Variants in RPS6KA2 observed in about 807,000 individuals in gnomAD.
RPS6KA2 encodes the protein ribosomal protein S6 kinase alpha-2.
In RPS6KA2, 42 loss-of-function variants were observed where a neutral mutation model predicts 91.8. That is an observed-to-expected ratio of 0.46 (90% CI 0.36 to 0.59). The LOEUF is 0.59. Ranked by LOEUF, RPS6KA2 falls within the 20% of genes least tolerant of loss-of-function variation. The pLI is 0.00. For missense variants in RPS6KA2, 798 were observed against 978.5 expected, an observed-to-expected ratio of 0.82 and a Z score of 2.46; for synonymous variants, 414 against 393.6, an observed-to-expected ratio of 1.05 and a Z score of -0.61.
intron 1 of RPS6KA2, among the ~76,000 whole-genome samples, chr6:166,540,564 T>C (rs1242695818): frequency 6.6e-6 from 1 of 152,260 alleles, no homozygotes; most frequent in African/African-American, 2.4e-5. Flanking sequence ...TTTTGTTGCT[T>C]CATAATTACT....
chr6:166,650,228 G>A (rs1422549984), intron 2 of RPS6KA2, among the ~76,000 whole-genome samples: 1 of 151,646 alleles, frequency 6.6e-6, no homozygotes, highest in Non-Finnish European at 1.5e-5. Context: ...GAGGGAATGA[G>A]ATAAGGCCTC....
chr6:166,700,697 AATTTTAACAATTGGATTTAGGAACAATCT>A (rs1789484999), intron 2 of RPS6KA2, among the ~76,000 whole-genome samples: 2 of 152,110 alleles, frequency 1.3e-5, no homozygotes, highest in African/African-American at 4.8e-5. Flanking sequence ...ATTCTGCTCC[AATTTTAACAATTGGATTTAGGAACAATCT>A]ATTTGATGAA....
chr6:166,510,592 T>G (rs1271472109), intron 3 of RPS6KA2, among the ~76,000 whole-genome samples: 3 of 59,486 alleles, frequency 5.0e-5, no homozygotes, highest in Non-Finnish European at 1.1e-4. Flanking sequence ...TATATATATA[T>G]ATATATATAT....
chr6:166,535,597 G>C (rs948961387), intron 2 of RPS6KA2, among the ~76,000 whole-genome samples: 3 of 152,252 alleles, frequency 2.0e-5, no homozygotes, highest in African/African-American at 7.2e-5. Context: ...TCCAGGAGCA[G>C]GTGAGGAGGT....
At chr6:166,728,671 A>T (rs1277327905) in intron 2 of RPS6KA2, among the ~76,000 whole-genome samples, 1 of 152,166 alleles carries the variant, frequency 6.6e-6, no homozygotes, top group Non-Finnish European at 1.5e-5. Flanking sequence ...TGATTTTACA[A>T]TAGAATCTGT....
At chr6:166,510,667 T>C (rs1335742955) in intron 3 of RPS6KA2, among the ~76,000 whole-genome samples, 1 of 139,864 alleles carries the variant, frequency 7.1e-6, no homozygotes, top group Non-Finnish European at 1.6e-5. Context: ...CTGAGGTGCA[T>C]GTGCAGGTGT....
chr6:166,695,066 G>A (rs1177636163), intron 2 of RPS6KA2, among the ~76,000 whole-genome samples: 2 of 152,192 alleles, frequency 1.3e-5, no homozygotes, highest in Non-Finnish European at 2.9e-5. Flanking sequence ...ATATTCCGGT[G>A]GAGAAAATGT....
intron 1 of RPS6KA2, among the ~76,000 whole-genome samples, chr6:166,584,486 A>G (rs912794752): frequency 6.6e-6 from 1 of 152,212 alleles, no homozygotes; most frequent in South Asian, 2.1e-4. Flanking sequence ...GATGACAGGG[A>G]CACTCTAAAT....
chr6:166,670,440 CTT>C (rs1788439684), intron 2 of RPS6KA2, among the ~76,000 whole-genome samples: 1 of 152,174 alleles, frequency 6.6e-6, no homozygotes, highest in Non-Finnish European at 1.5e-5. Context: ...GTAAATGCCT[CTT>C]TTGTTTTTTA....
chr6:166,851,899 G>C (rs772561781), intron 2 of RPS6KA2, among the ~76,000 whole-genome samples: 14 of 152,218 alleles, frequency 9.2e-5, no homozygotes, highest in Non-Finnish European at 1.6e-4. Flanking sequence ...CTTGTCTTTT[G>C]TGGATTCTTG....
Position 166,410,239 on chromosome 6 carries a change from C to G in RPS6KA2, c.*2523G>C, listed in dbSNP as rs1485450107. 6.6e-6 allele frequency: 1 copy of G among 152,186 alleles called. No individual in the cohort carries two copies. The highest frequency in any genetic ancestry group is 2.4e-5 in the African/African-American group (1 of 41,446). The allele number at this position is 152,186 out of a possible 1,614,324, so 9.4% of individuals were successfully genotyped here. On this transcript the variant is annotated 3_prime_UTR_variant, in exon 21 of 21. Transcript: ENST00000265678. ...AGAGCCAGTTAACTTTTGGGGAGGT[C>G]TATGTCATTTGTGCAAATCATACGG...
rs199646291 is a variant in RPS6KA2 at position 166,727,309 on chromosome 6, T to TAAAC, written c.123+130887_123+130890dup. Among the ~76,000 whole-genome samples, 148 of 143,020 alleles carry TAAAC rather than the reference T, an allele frequency of 1.0e-3. 1 individual carries two copies. Among genetic ancestry groups the TAAAC allele is most frequent in the African/African-American group, 4.0e-3 (137 of 34,462 alleles). The allele number at this position is 143,020 out of a possible 152,430, so 93.8% of individuals were successfully genotyped here. ...GCATCTTATAATTATAGATCATACT[T>TAAAC]AAACAAACAAACACACACACACACA... On this transcript the variant is annotated intron_variant, in intron 2 of 21. Coordinates refer to the RPS6KA2 transcript ENST00000503859.
intron 2 of RPS6KA2, among the ~76,000 whole-genome samples, chr6:166,535,860 C>T (rs563666634): frequency 1.3e-5 from 2 of 152,388 alleles, no homozygotes; most frequent in South Asian, 2.1e-4. Flanking sequence ...ATGATGGCTT[C>T]GCCTTGCAGG....
chr6:166,494,929 G>A lies in RPS6KA2; in HGVS notation c.747+3579C>T, dbSNP rs1781733920. ...TGCACCGATCCGCTTACAAGGCTTG[G>A]GTAAGATACGACTTCAAAGGTCACC... is the stretch of plus-strand genomic sequence containing the variant. On this transcript the variant is annotated intron_variant, in intron 8 of 20. Transcript: ENST00000265678. This position sits in a 1 kb window ranked among gnomAD's most constrained non-coding sequence, Gnocchi z 5.1. Among the ~76,000 whole-genome samples, 1 of 152,150 alleles carries A rather than the reference G, an allele frequency of 6.6e-6. No individual in the cohort carries two copies. The highest frequency in any genetic ancestry group is 2.4e-5 in the African/African-American group (1 of 41,424).
chr6:166,531,120 G>C, intron 3 of RPS6KA2, 112 bp downstream of exon 3: 1 of 772,164 alleles, frequency 1.3e-6, no homozygotes, highest in Non-Finnish European at 2.3e-6. Context: ...TGCTCATTTA[G>C]AGACATTTTC....
chr6:166,499,762 T>A (rs201583217), intron 7 of RPS6KA2, among the ~76,000 whole-genome samples: 1 of 152,208 alleles, frequency 6.6e-6, no homozygotes, highest in East Asian at 1.9e-4. Flanking sequence ...AGTGTGAGAA[T>A]AGGCTAACAT....
At position 166,508,709 on chromosome 6, in the gene RPS6KA2, A is replaced by G. The variant is rs1744499933; in HGVS notation, c.380-427T>C. ...CGTCCTATGGAAGTGCCTTCTTCTT[A>G]CAGAACTCCACTCTGGTACCAGGGA... is the stretch of plus-strand genomic sequence containing the variant. On this transcript the variant is annotated intron_variant, in intron 4 of 20. Coordinates refer to ENST00000265678, the MANE Select transcript of RPS6KA2 (RefSeq NM_021135.6). This position sits in a 1 kb window ranked among gnomAD's most constrained non-coding sequence, Gnocchi z 4.3. 6.6e-6 allele frequency among the ~76,000 whole-genome samples: 1 copy of G among 152,140 alleles called. No individual in the cohort carries two copies. Among genetic ancestry groups the G allele is most frequent in the Non-Finnish European group, 1.5e-5 (1 of 68,026 alleles).
At chr6:166,472,075 G>A (rs192568952) in intron 10 of RPS6KA2, among the ~76,000 whole-genome samples, 1 of 152,312 alleles carries the variant, frequency 6.6e-6, no homozygotes, top group East Asian at 1.9e-4. Flanking sequence ...AGTCCTTCTG[G>A]TCACGATGAT....
At chr6:166,468,680 G>A (rs184317668) in intron 11 of RPS6KA2, among the ~76,000 whole-genome samples, 18 of 152,036 alleles carry the variant, frequency 1.2e-4, no homozygotes, top group African/African-American at 3.6e-4. Flanking sequence ...TGGCTAACAC[G>A]GTGAAACCCT....
Sources: gnomAD v4.1 joint callset for allele counts (sites outside exome capture counted in the v4.1 genomes callset) on GRCh38, gnomAD v4.1.1 for gene constraint, Gnocchi (gnomAD v3.1) non-coding constraint, MANE v1.5 for transcripts, NCBI Gene and HGNC (gene_info 2026-07-23, HGNC 2026-07-21) for gene names.